Variants in CDH12 observed in about 807,000 individuals in gnomAD.
CDH12 encodes cadherin-12.
CDH12 carries 41 observed loss-of-function variants against 74.1 expected under a neutral mutation model. That is an observed-to-expected ratio of 0.55 (90% CI 0.43 to 0.72). The LOEUF (loss-of-function observed/expected upper bound fraction) is 0.72, where lower values mean the gene tolerates loss of function less well. Among genes scored for constraint, CDH12 ranks in the 30% least tolerant of loss-of-function variants. The pLI is 0.00. For synonymous variants in CDH12, 399 were observed against 355.0 expected (o/e 1.12, Z -1.39); for missense variants, 945 against 977.2 (o/e 0.97, Z 0.44).
chr5:22,528,276 A>G (rs1462523700), intron 1 of CDH12, among the ~76,000 whole-genome samples: 1 of 152,106 alleles, frequency 6.6e-6, no homozygotes, highest in Non-Finnish European at 1.5e-5. Context: ...CACTGTGAGT[A>G]GGGGGGGTTG....
chr5:22,242,181 G>A (rs908458175), intron 3 of CDH12, among the ~76,000 whole-genome samples: 1 of 151,938 alleles, frequency 6.6e-6, no homozygotes, highest in Non-Finnish European at 1.5e-5. Context: ...TATTAATCAG[G>A]AAAAATGAGT....
Position 22,641,503 on chromosome 5 carries a change from C to T in CDH12, c.-522-136139G>A, listed in dbSNP as rs76001116. ...ATCACACACCAATCTCCTCCAGAGTCACCCTCACAGGCCCACCCAGAGCAG... is the reference window on the plus strand; with the variant it reads ...ATCACACACCAATCTCCTCCAGAGTTACCCTCACAGGCCCACCCAGAGCAG... On this transcript the variant is annotated intron_variant, in intron 1 of 14. Transcript: ENST00000382254. 4.4e-3 allele frequency among the ~76,000 whole-genome samples: 668 copies of T among 152,242 alleles called. 4 individuals are homozygous for T. The highest frequency in any genetic ancestry group is 0.015 in the African/African-American group (620 of 41,534).
At chr5:22,023,461 C>G (rs1417445565) in intron 5 of CDH12, among the ~76,000 whole-genome samples, 2 of 151,986 alleles carry the variant, frequency 1.3e-5, no homozygotes, top group Non-Finnish European at 2.9e-5. Flanking sequence ...TGGTCTCTGA[C>G]TTCATCAAGC....
chr5:22,657,226 G>A (rs1374824576), intron 1 of CDH12, among the ~76,000 whole-genome samples: 1 of 152,124 alleles, frequency 6.6e-6, no homozygotes, highest in Non-Finnish European at 1.5e-5. Context: ...TCATAATAGT[G>A]GTATTGGGAG....
intron 1 of CDH12, among the ~76,000 whole-genome samples, chr5:22,582,452 T>C (rs1740154610): frequency 6.6e-6 from 1 of 152,186 alleles, no homozygotes; most frequent in Non-Finnish European, 1.5e-5. Context: ...TAAACTTTCT[T>C]GTATATGCTT....
rs58402882 is a variant in CDH12 at position 22,732,471 on chromosome 5, T to TACACAC, written c.-523+120581_-523+120586dup. Among the ~76,000 whole-genome samples the TACACAC allele has an allele frequency of 7.8e-3, 569 of 72,682 alleles. 4 individuals carry two copies. The highest frequency in any genetic ancestry group is 0.023 in the East Asian group (55 of 2,398). 47.7% of individuals were successfully genotyped at this position (72,682 alleles called of 152,430 possible). A position where few individuals can be genotyped will look rare whatever the true frequency, so the allele number is the denominator to read the frequency against. ...GAATGTGTGTGTATATATATATATA[T>TACACAC]ACACACACACACACACACACACACA... On this transcript the variant is annotated intron_variant, in intron 1 of 14. Coordinates refer to ENST00000382254, the MANE Select transcript of CDH12 (RefSeq NM_004061.5).
Position 22,015,237 on chromosome 5 carries a change from C to A in CDH12, c.232-39852G>T, listed in dbSNP as rs142431106. 4.6e-5 allele frequency among the ~76,000 whole-genome samples: 7 copies of A among 152,178 alleles called. No homozygotes were observed. In the East Asian group the frequency reaches 1.3e-3, roughly 29 times the overall value. On this transcript the variant is annotated intron_variant, in intron 5 of 14. Transcript: ENST00000382254. Reference sequence around the variant, plus strand: ...AAAGAGGAGGTTTTGACATATTGTGCCTTTACTATTAAAGAAATATCATTC... The same window carrying A: ...AAAGAGGAGGTTTTGACATATTGTGACTTTACTATTAAAGAAATATCATTC...
At chr5:21,862,469 GC>G (rs756078421) in intron 6 of CDH12, among the ~76,000 whole-genome samples, 2 of 152,150 alleles carry the variant, frequency 1.3e-5, no homozygotes, top group South Asian at 4.2e-4. Context: ...GTGGAACTGA[GC>G]CCCACTAAGT....
chr5:21,899,082 T>G (rs545470069), intron 6 of CDH12, among the ~76,000 whole-genome samples: 2 of 152,220 alleles, frequency 1.3e-5, no homozygotes, highest in Non-Finnish European at 2.9e-5. Context: ...GGTTGTTCCC[T>G]CCTACCTTTT....
intron 4 of CDH12, among the ~76,000 whole-genome samples, chr5:22,117,012 G>C: frequency 6.6e-6 from 1 of 150,912 alleles, no homozygotes; most frequent in East Asian, 2.0e-4. Context: ...AATGAACAGA[G>C]AAGCAATATG....
intron 1 of CDH12, among the ~76,000 whole-genome samples, chr5:22,569,990 A>T (rs993662971): frequency 3.3e-5 from 5 of 152,146 alleles, no homozygotes; most frequent in Non-Finnish European, 5.9e-5. Context: ...CATCATAGGG[A>T]TTAGTATCTA....
Position 22,633,533 on chromosome 5 carries a change from T to C in CDH12, c.-522-128169A>G, listed in dbSNP as rs183743770. 8.9e-4 allele frequency among the ~76,000 whole-genome samples: 135 copies of C among 152,298 alleles called. 1 individual carries two copies. Among genetic ancestry groups the C allele is most frequent in the Admixed American group, 1.7e-3 (26 of 15,286 alleles). ...CATCTAGAGGACACTAACATTTGAA[T>C]TGGTGGACAGAGTAAAGTAGATGGA... On this transcript the variant is annotated intron_variant, in intron 1 of 14. Transcript: ENST00000382254.
chr5:22,048,957 T>C (rs977919716), intron 5 of CDH12, among the ~76,000 whole-genome samples: 1 of 152,080 alleles, frequency 6.6e-6, no homozygotes, highest in Non-Finnish European at 1.5e-5. Context: ...AATCCATTCA[T>C]ACTCCAAAAA....
chr5:22,674,418 T>A (rs1580874744), intron 1 of CDH12, among the ~76,000 whole-genome samples: 1 of 152,358 alleles, frequency 6.6e-6, no homozygotes, highest in South Asian at 2.1e-4. Context: ...TCCTCAGCCA[T>A]GTGGAACGGT....
intron 1 of CDH12, among the ~76,000 whole-genome samples, chr5:22,530,754 C>T (rs1412778132): frequency 6.6e-6 from 1 of 151,984 alleles, no homozygotes; most frequent in Non-Finnish European, 1.5e-5. Context: ...ATAAATAACA[C>T]CACTCAAACT....
At chr5:22,206,679 C>CAAAAAAA (rs71609754) in intron 4 of CDH12, among the ~76,000 whole-genome samples, 31 of 55,254 alleles carry the variant, frequency 5.6e-4, no homozygotes, top group African/African-American at 8.1e-4. Flanking sequence ...GATTCCACTG[C>CAAAAAAA]AAAAAAAAAA....
At position 22,716,676 on chromosome 5, in the gene CDH12, C is replaced by T. The variant is rs374379235; in HGVS notation, c.-523+136382G>A. On this transcript the variant is annotated intron_variant, in intron 1 of 14. Coordinates refer to ENST00000382254, the MANE Select transcript of CDH12 (RefSeq NM_004061.5). ...CCTTCGGGAGGTATCCAGAAGGCAT[C>T]GTCATCATGGGAGATGACAGCTTTA... Among the ~76,000 whole-genome samples the T allele has an allele frequency of 3.7e-3, 555 of 151,074 alleles. 2 individuals are homozygous for T. Among genetic ancestry groups the T allele is most frequent in the Non-Finnish European group, 5.7e-3 (387 of 67,886 alleles).
intron 4 of CDH12, among the ~76,000 whole-genome samples, chr5:22,098,872 C>T (rs1383601861): frequency 6.6e-6 from 1 of 152,152 alleles, no homozygotes. Context: ...CAAAGGCAGG[C>T]TATGCTATAG....
At position 21,854,698 on chromosome 5, in the gene CDH12, G is replaced by A. The variant is rs1349089316; in HGVS notation, c.619C>T (p.Pro207Ser). The A allele has an allele frequency of 4.1e-6, 6 of 1,462,620 alleles. No homozygotes were observed. In the African/African-American group the frequency reaches 7.1e-5, roughly 17 times the overall value. 90.6% of individuals were successfully genotyped at this position (1,462,620 alleles called of 1,614,324 possible). A position where few individuals can be genotyped will look rare whatever the true frequency, so the allele number is the denominator to read the frequency against. Reference sequence around the variant, plus strand: ...GTCTTGGGATCAATAGAGAAATAAGGTTGTCCCTGAAGAATGCTGTAAACG... The same window carrying A: ...GTCTTGGGATCAATAGAGAAATAAGATTGTCCCTGAAGAATGCTGTAAACG... Reference protein sequence around the residue: ...RVVYSILQGQPYFSIDPKTGV... With the variant: ...RVVYSILQGQSYFSIDPKTGV... Residue 207 changes from proline (P) to serine (S), a missense_variant, in exon 7 of 15, where the codon CCT becomes TCT. Physicochemically the swap from Pro to Ser is moderately conservative, Grantham distance 74. This residue lies in a region of CDH12 where 791 missense variants were observed against 792.8 expected (regional missense o/e 1.00). Transcript: ENST00000382254.
Sources: allele counts gnomAD v4.1 joint callset (sites outside exome capture counted in the v4.1 genomes callset), GRCh38; gene constraint gnomAD v4.1.1; regional missense constraint gnomAD v4.1.1; transcripts MANE v1.5; gene names NCBI Gene and HGNC (gene_info 2026-07-23, HGNC 2026-07-21).